TAF3: variants seen among roughly 807,000 people sequenced by gnomAD.
The protein encoded by TAF3 is TATA-box binding protein associated factor 3.
Under a neutral mutation model 80.6 loss-of-function variants are expected in TAF3, and 7 were observed. That is an observed-to-expected ratio of 0.09 (90% CI 0.05 to 0.16). The LOEUF (loss-of-function observed/expected upper bound fraction) is 0.16, where lower values mean the gene tolerates loss of function less well. TAF3 is among the 10% of genes least tolerant of loss of function. The pLI is 1.00. For missense variants in TAF3, 921 were observed against 1,140.2 expected, an observed-to-expected ratio of 0.81 and a Z score of 2.77; for synonymous variants, 444 against 446.1, an observed-to-expected ratio of 1.00 and a Z score of 0.06.
chr10:7,948,369 A>G (rs1251914523), intron 2 of TAF3, among the ~76,000 whole-genome samples: 2 of 151,802 alleles, frequency 1.3e-5, no homozygotes. Flanking sequence ...GATTACAGGC[A>G]TGAACCAGTG....
intron 1 of TAF3, 104 bp from the exon 2 acceptor site, chr10:7,824,214 T>C: frequency 7.7e-7 from 1 of 1,296,728 alleles, no homozygotes; most frequent in South Asian, 1.5e-5. Context: ...GGTTAAAATG[T>C]TTGATTCTGA....
chr10:7,873,303 A>ACG (rs1202835306), intron 2 of TAF3, among the ~76,000 whole-genome samples: 1 of 152,136 alleles, frequency 6.6e-6, no homozygotes, highest in African/African-American at 2.4e-5. Context: ...TCTCTCTAAC[A>ACG]GACCTATTTT....
At chr10:7,888,916 T>G (rs1047759218) in intron 2 of TAF3, among the ~76,000 whole-genome samples, 1 of 152,212 alleles carries the variant, frequency 6.6e-6, no homozygotes, top group African/African-American at 2.4e-5. Context: ...GCACACTTCC[T>G]CCGGTGTATA....
intron 2 of TAF3, among the ~76,000 whole-genome samples, chr10:7,918,626 C>T (rs1837734349): frequency 6.6e-6 from 1 of 152,104 alleles, no homozygotes; most frequent in Non-Finnish European, 1.5e-5. Context: ...AGGGGGCAGG[C>T]CTCCAGACAT....
chr10:7,857,793 A>T, intron 2 of TAF3, among the ~76,000 whole-genome samples: 1 of 152,184 alleles, frequency 6.6e-6, no homozygotes, highest in Non-Finnish European at 1.5e-5. Flanking sequence ...AAGAAAGAAA[A>T]AGGCAGGGGA....
chr10:7,946,185 A>G (rs528544655), intron 2 of TAF3, among the ~76,000 whole-genome samples: 3 of 152,186 alleles, frequency 2.0e-5, no homozygotes, highest in East Asian at 3.9e-4. Flanking sequence ...ATACCCTTCA[A>G]ATAAAATTCA....
intron 2 of TAF3, among the ~76,000 whole-genome samples, chr10:7,909,774 A>C (rs1272521552): frequency 1.3e-5 from 2 of 152,200 alleles, no homozygotes; most frequent in Non-Finnish European, 2.9e-5. Context: ...TTATTTGCAG[A>C]ATAGGAATCA....
chr10:7,879,178 A>AT (rs1211620259), intron 2 of TAF3, among the ~76,000 whole-genome samples: 2 of 152,172 alleles, frequency 1.3e-5, no homozygotes, highest in Non-Finnish European at 2.9e-5. Flanking sequence ...AAAATAGTAG[A>AT]TTAATAAGAC....
At chr10:7,883,188 C>T (rs1256490757) in intron 2 of TAF3, among the ~76,000 whole-genome samples, 1 of 152,200 alleles carries the variant, frequency 6.6e-6, no homozygotes. Flanking sequence ...TTAGGAGTCC[C>T]GTGGTGCATT....
chr10:7,862,261 C>G (rs1256072856), intron 2 of TAF3, among the ~76,000 whole-genome samples: 1 of 152,160 alleles, frequency 6.6e-6, no homozygotes, highest in Non-Finnish European at 1.5e-5. Flanking sequence ...CAGTATGGAT[C>G]AAAGTTTTCT....
rs190148149 is a variant in TAF3, at chr10:7,849,408, A to G, written c.409+24848A>G. On this transcript the variant is annotated intron_variant, in intron 2 of 6. Coordinates refer to ENST00000344293, the MANE Select transcript of TAF3 (RefSeq NM_031923.4). ...CCATAAGGAATATTTGGGATATGTTATGCCACTGGTGTCATCCTGTAGATC... is the reference window on the plus strand; with the variant it reads ...CCATAAGGAATATTTGGGATATGTTGTGCCACTGGTGTCATCCTGTAGATC... Among the ~76,000 whole-genome samples, 273 of 152,300 alleles carry G rather than the reference A, an allele frequency of 1.8e-3. No homozygotes were observed. In the Middle Eastern group the frequency reaches 0.024, roughly 13 times the overall value.
At chr10:7,837,064 A>G (rs1836858372) in intron 2 of TAF3, among the ~76,000 whole-genome samples, 1 of 152,150 alleles carries the variant, frequency 6.6e-6, no homozygotes, top group Non-Finnish European at 1.5e-5. Context: ...TTGTTTCTAT[A>G]AAAAATTTAA....
At chr10:7,820,910 T>C (rs1836683969) in intron 1 of TAF3, among the ~76,000 whole-genome samples, 1 of 152,248 alleles carries the variant, frequency 6.6e-6, no homozygotes, top group Admixed American at 6.5e-5. Flanking sequence ...TGGCCTCCGC[T>C]GCAGTGGTCC....
chr10:7,822,186 A>G (rs993251566), intron 1 of TAF3, among the ~76,000 whole-genome samples: 4 of 151,714 alleles, frequency 2.6e-5, no homozygotes, highest in African/African-American at 7.3e-5. Context: ...ACTTGAGACT[A>G]TACTGAGATA....
At chr10:7,986,796 GA>G (rs1831782684) in intron 4 of TAF3, among the ~76,000 whole-genome samples, 4 of 152,048 alleles carry the variant, frequency 2.6e-5, no homozygotes, top group Admixed American at 2.6e-4. Flanking sequence ...CTTCAGCTAA[GA>G]AACAGGGGAA....
intron 2 of TAF3, among the ~76,000 whole-genome samples, chr10:7,911,539 A>G (rs1031050633): frequency 2.0e-5 from 3 of 152,352 alleles, no homozygotes; most frequent in East Asian, 1.9e-4. Flanking sequence ...TTATTCTGCA[A>G]AAATACTTAG....
At chr10:7,867,270 C>A (rs374058116) in intron 2 of TAF3, among the ~76,000 whole-genome samples, 114 of 151,284 alleles carry the variant, frequency 7.5e-4, no homozygotes, top group African/African-American at 1.9e-3. Context: ...CACACACACA[C>A]AAAAAACAAA....
chr10:7,879,012 G>A (rs975224921), intron 2 of TAF3, among the ~76,000 whole-genome samples: 1 of 152,142 alleles, frequency 6.6e-6, no homozygotes, highest in African/African-American at 2.4e-5. Flanking sequence ...ACAGGCATAA[G>A]TCACCGCGCC....
chr10:7,960,653 G>A (rs1008848749), intron 2 of TAF3, among the ~76,000 whole-genome samples: 4 of 152,168 alleles, frequency 2.6e-5, no homozygotes, highest in Admixed American at 1.3e-4. Flanking sequence ...GAGCACGCAG[G>A]GGCTCACTGT....
Sources: gnomAD v4.1 joint callset for allele counts (sites outside exome capture counted in the v4.1 genomes callset) on GRCh38, gnomAD v4.1.1 for gene constraint, MANE v1.5 for transcripts, NCBI Gene and HGNC (gene_info 2026-07-23, HGNC 2026-07-21) for gene names.